The following MTRF1 variants were observed in gnomAD, a reference collection of about 807,000 sequenced individuals.
MTRF1 encodes peptide chain release factor 1, mitochondrial.
MTRF1 carries 51 observed loss-of-function variants against 62.9 expected under a neutral mutation model. That is an observed-to-expected ratio of 0.81 (90% CI 0.65 to 1.02). The LOEUF is 1.02. Among genes scored for constraint, MTRF1 ranks in the 50% least tolerant of loss-of-function variants. The pLI is 0.00. For synonymous variants in MTRF1, 158 were observed against 181.9 expected (o/e 0.87, Z 1.06); for missense variants, 446 against 530.0 (o/e 0.84, Z 1.56).
At position 41,216,986 on chromosome 13, in the gene MTRF1, A is replaced by T; in HGVS notation, c.*129T>A. 1 of 502,866 alleles carries T rather than the reference A, an allele frequency of 2.0e-6. No homozygotes were observed. The highest frequency in any genetic ancestry group is 3.5e-6 in the Non-Finnish European group (1 of 287,698). The allele number at this position is 502,866 out of a possible 1,614,324, so 31.2% of individuals were successfully genotyped here. ...ATGTGACTTCGATTAATTACAAAACATATATTTATGTGTAATGTGTTCTTA... is the reference window on the plus strand; with the variant it reads ...ATGTGACTTCGATTAATTACAAAACTTATATTTATGTGTAATGTGTTCTTA... On this transcript the variant is annotated 3_prime_UTR_variant, in exon 10 of 10. Coordinates refer to ENST00000379480, the MANE Select transcript of MTRF1 (RefSeq NM_004294.4).
the MTRF1 span, among the ~76,000 whole-genome samples, chr13:41,298,158 T>C: frequency 6.6e-6 from 1 of 152,196 alleles, no homozygotes; most frequent in African/African-American, 2.4e-5. Context: ...AGACAATTGC[T>C]TTAGTTGCAA....
the MTRF1 span, among the ~76,000 whole-genome samples, chr13:41,309,341 A>AGT: frequency 0.081 from 10,915 of 135,558 alleles, 1,098 homozygotes; most frequent in African/African-American, 0.25. Context: ...ATGCCCAGCT[A>AGT]GTGTGTGTGT....
chr13:41,226,432 C>G lies in MTRF1; in HGVS notation c.1125G>C (p.Gln375His). ...KRQQQSARKLQVGTRAQSERI... is the reference protein window; with the variant it reads ...KRQQQSARKLHVGTRAQSERI... ...AATTATTATACCAAGTAAATCTTAC[C>G]TGCAGTTTTCTAGCACTTTGTTGCT... Residue 375 changes from glutamine (Q) to histidine (H), a missense_variant and splice_region_variant, in exon 8 of 10, where the codon CAG (glutamine) becomes CAC (histidine). Transcript: ENST00000379480. 5 of 1,606,758 alleles carry G rather than the reference C, an allele frequency of 3.1e-6. No individual in the cohort carries two copies. Among genetic ancestry groups the G allele is most frequent in the Non-Finnish European group, 4.2e-6 (5 of 1,178,492 alleles).
chr13:41,239,948 G>GT (rs964152129), intron 6 of MTRF1, among the ~76,000 whole-genome samples: 2 of 152,118 alleles, frequency 1.3e-5, no homozygotes, highest in Non-Finnish European at 2.9e-5. Flanking sequence ...ACTGCCCGAG[G>GT]TCAGGAGTTC....
the MTRF1 span, among the ~76,000 whole-genome samples, chr13:41,310,782 A>C: frequency 6.6e-6 from 1 of 152,188 alleles, no homozygotes; most frequent in South Asian, 2.1e-4. Context: ...AAAGAAAACA[A>C]GTTCATCTTT....
chr13:41,251,808 G>A (rs1396893031), intron 5 of MTRF1, among the ~76,000 whole-genome samples: 1 of 152,110 alleles, frequency 6.6e-6, no homozygotes, highest in Non-Finnish European at 1.5e-5. Context: ...AGACAAATGA[G>A]AGAATTATTA....
the MTRF1 span, among the ~76,000 whole-genome samples, chr13:41,286,083 A>G: frequency 9.6e-6 from 1 of 104,322 alleles, no homozygotes; most frequent in African/African-American, 3.8e-5. Flanking sequence ...AAACAACAAC[A>G]ACAACAAAAA....
chr13:41,274,659 A>G, the MTRF1 span, among the ~76,000 whole-genome samples: 2 of 150,218 alleles, frequency 1.3e-5, no homozygotes, highest in Non-Finnish European at 3.0e-5. Context: ...TGATTTTATT[A>G]TCAATAATAA....
chr13:41,296,728 TG>T, the MTRF1 span, among the ~76,000 whole-genome samples: 5 of 152,110 alleles, frequency 3.3e-5, no homozygotes, highest in East Asian at 9.6e-4. Flanking sequence ...TATATTTGTA[TG>T]AATATGTTAT....
At chr13:41,305,228 T>C in the MTRF1 span, among the ~76,000 whole-genome samples, 1 of 152,200 alleles carries the variant, frequency 6.6e-6, no homozygotes, top group Non-Finnish European at 1.5e-5. Flanking sequence ...GGCTAATTTT[T>C]AAAATTTTTT....
chr13:41,271,070 C>T, the MTRF1 span, among the ~76,000 whole-genome samples: 1 of 149,224 alleles, frequency 6.7e-6, no homozygotes, highest in Non-Finnish European at 1.5e-5. Flanking sequence ...CACACACACA[C>T]ACACACACAC....
chr13:41,230,625 A>C (rs117465948), intron 7 of MTRF1, among the ~76,000 whole-genome samples: 2,378 of 151,746 alleles, frequency 0.016, 38 homozygotes, highest in Non-Finnish European at 0.02. Flanking sequence ...AACAAGAGAA[A>C]GTATGAAATT....
chr13:41,295,016 A>G, the MTRF1 span, among the ~76,000 whole-genome samples: 3 of 152,108 alleles, frequency 2.0e-5, no homozygotes, highest in East Asian at 1.9e-4. Flanking sequence ...TCTCAGACTT[A>G]TATCTCGGAA....
the MTRF1 span, among the ~76,000 whole-genome samples, chr13:41,294,412 A>C: frequency 7.2e-6 from 1 of 138,898 alleles, no homozygotes; most frequent in Non-Finnish European, 1.5e-5. Flanking sequence ...GTGAGACTCC[A>C]TCTCAAAAAA....
intron 1 of MTRF1, 107 bp downstream of exon 1, chr13:41,263,378 G>T: frequency 1.8e-6 from 2 of 1,083,560 alleles, no homozygotes; most frequent in Non-Finnish European, 2.5e-6. Flanking sequence ...ACAGCCCGCG[G>T]GGCAGCAGCA....
At chr13:41,253,237 C>T (rs1566154632) in intron 3 of MTRF1, among the ~76,000 whole-genome samples, 1 of 152,154 alleles carries the variant, frequency 6.6e-6, no homozygotes, top group Admixed American at 6.5e-5. Context: ...AGTTACTTGT[C>T]AGTATATTTT....
chr13:41,260,950 T>G, intron 1 of MTRF1, 35 bp from the exon 2 acceptor site: 1 of 1,489,304 alleles, frequency 6.7e-7, no homozygotes, highest in Non-Finnish European at 8.9e-7. Flanking sequence ...TAAAAAAAAA[T>G]CATCTCTAAA....
At chr13:41,280,632 T>G in the MTRF1 span, among the ~76,000 whole-genome samples, 1 of 152,026 alleles carries the variant, frequency 6.6e-6, no homozygotes, top group African/African-American at 2.4e-5. Context: ...GTCTTATGTC[T>G]CCCTAAAATG....
At chr13:41,260,344 A>C (rs2040300743) in intron 2 of MTRF1, 149 bp downstream of exon 2, 1 of 800,492 alleles carries the variant, frequency 1.2e-6, no homozygotes, top group East Asian at 2.7e-5. Context: ...ACAAGTGAGA[A>C]CCTGCTTCTG....
Sources: gnomAD v4.1 joint callset for allele counts (sites outside exome capture counted in the v4.1 genomes callset) on GRCh38, gnomAD v4.1.1 for gene constraint, MANE v1.5 for transcripts, NCBI Gene and HGNC (gene_info 2026-07-23, HGNC 2026-07-21) for gene names.